Variants in STK32A observed in about 807,000 individuals in gnomAD.
The protein encoded by STK32A is serine/threonine-protein kinase 32A.
In STK32A, 41 loss-of-function variants were observed where a neutral mutation model predicts 53.2. The observed-to-expected ratio is 0.77, with a 90% CI of 0.60 to 1.00. The LOEUF is 1.00. Among genes scored for constraint, STK32A ranks in the 50% least tolerant of loss-of-function variants. The pLI, the probability that STK32A is intolerant of heterozygous loss-of-function variation, is 0.00. For missense variants in STK32A, 458 were observed against 485.8 expected, an observed-to-expected ratio of 0.94 and a Z score of 0.54; for synonymous variants, 166 against 162.8, an observed-to-expected ratio of 1.02 and a Z score of -0.15.
At chr5:147,331,986 C>A (rs544222724) in intron 5 of STK32A, among the ~76,000 whole-genome samples, 2 of 152,310 alleles carry the variant, frequency 1.3e-5, no homozygotes, top group South Asian at 4.1e-4. Context: ...AAATTAATTT[C>A]TGTGTTCTTC....
rs748151953 is a variant in STK32A at position 147,373,207 on chromosome 5, A to G, written c.816A>G (p.Leu272=). The G allele has an allele frequency of 2.5e-6, 4 of 1,613,436 alleles. No individual in the cohort carries two copies. Among genetic ancestry groups the G allele is most frequent in the Non-Finnish European group, 2.5e-6 (3 of 1,179,590 alleles). Residue 272 remains leucine, a synonymous_variant, in exon 10 of 13, where the codon TTA becomes TTG. Transcript: ENST00000397936. ...ATCCAGACCAACGATTTTCTCAGTTATCTGATGTCCAGAACTTCCCGTATA... is the reference window on the plus strand; with the variant it reads ...ATCCAGACCAACGATTTTCTCAGTTGTCTGATGTCCAGAACTTCCCGTATA... The part of the protein sequence containing the change: ...EPNPDQRFSQ[L]SDVQNFPYMN...
At position 147,386,497 on chromosome 5, in the gene STK32A, A is replaced by G. The variant is rs1211496466; in HGVS notation, c.*2514A>G. On this transcript the variant is annotated 3_prime_UTR_variant, in exon 13 of 13. Coordinates refer to ENST00000397936, the MANE Select transcript of STK32A (RefSeq NM_001112724.2). ...CTGTAATTACACTTACCAAAGAGCC[A>G]TGGAACCATTAGGATCTCCACTGTG... 1.3e-5 allele frequency: 2 copies of G among 152,214 alleles called. No homozygotes were observed. The highest frequency in any genetic ancestry group is 2.9e-5 in the Non-Finnish European group (2 of 68,030). 9.4% of individuals were successfully genotyped at this position (152,214 alleles called of 1,614,324 possible). A position where few individuals can be genotyped will look rare whatever the true frequency, so the allele number is the denominator to read the frequency against.
intron 2 of STK32A, among the ~76,000 whole-genome samples, chr5:147,258,291 C>T (rs1754330284): frequency 6.6e-6 from 1 of 151,786 alleles, no homozygotes; most frequent in African/African-American, 2.4e-5. Context: ...CACAGAATTT[C>T]CTTTATAATT....
intron 8 of STK32A, among the ~76,000 whole-genome samples, chr5:147,363,369 G>A (rs1029932353): frequency 1.3e-5 from 2 of 152,052 alleles, no homozygotes; most frequent in East Asian, 1.9e-4. Context: ...GATGGGGAGA[G>A]GGGACTTGCT....
the STK32A span, chr5:147,393,028 G>C: frequency 6.6e-6 from 1 of 152,206 alleles, no homozygotes; most frequent in Non-Finnish European, 1.5e-5. Context: ...GCCTGTAAGA[G>C]AGGCCCTTCA....
At chr5:147,326,450 C>G (rs1754593083) in intron 5 of STK32A, among the ~76,000 whole-genome samples, 1 of 152,134 alleles carries the variant, frequency 6.6e-6, no homozygotes, top group East Asian at 1.9e-4. Flanking sequence ...ATGCACCTCT[C>G]CCCCCACCTC....
chr5:147,350,116 A>G (rs998039407), intron 6 of STK32A, among the ~76,000 whole-genome samples: 5 of 151,770 alleles, frequency 3.3e-5, no homozygotes, highest in East Asian at 2.0e-4. Flanking sequence ...CTTCAAAAAA[A>G]AAAAATTAAA....
chr5:147,246,278 C>A (rs1040891098), intron 2 of STK32A, among the ~76,000 whole-genome samples: 3 of 152,178 alleles, frequency 2.0e-5, no homozygotes, highest in African/African-American at 7.2e-5. Context: ...GGCTTTATTT[C>A]TCCATACAAA....
In STK32A at chr5:147,347,358, G is replaced by A. The variant is rs114360648; in HGVS notation, c.473-3707G>A. 9.1e-3 allele frequency among the ~76,000 whole-genome samples: 1,390 copies of A among 151,916 alleles called. 23 individuals are homozygous for A. The highest frequency in any genetic ancestry group is 0.032 in the African/African-American group (1,307 of 41,454). ...AAGGCAGAAACCCTCTCCTAGAGTG[G>A]TAAATTAGGAAGTTCTGAGGCTTGC... On this transcript the variant is annotated intron_variant, in intron 6 of 12. Coordinates refer to ENST00000397936, the MANE Select transcript of STK32A (RefSeq NM_001112724.2).
chr5:147,383,987 C>T lies in STK32A; in HGVS notation c.*4C>T. 4.4e-6 allele frequency: 7 copies of T among 1,598,198 alleles called. No homozygotes were observed. The highest frequency in any genetic ancestry group is 6.0e-6 in the Non-Finnish European group (7 of 1,175,136). On this transcript the variant is annotated 3_prime_UTR_variant, in exon 13 of 13. Coordinates refer to ENST00000397936, the MANE Select transcript of STK32A (RefSeq NM_001112724.2). ...TGGTCAGAATAACAACTTGTAAAGG[C>T]CTCATGTCTTCTTCTTGGGACAATC...
chr5:147,236,593 G>C (rs1197435265), intron 1 of STK32A, among the ~76,000 whole-genome samples: 4 of 152,122 alleles, frequency 2.6e-5, no homozygotes, highest in Non-Finnish European at 5.9e-5. Flanking sequence ...ATTTTAAACT[G>C]GATTGTGTAT....
rs371782826 is a variant in STK32A, at chr5:147,351,098, C to T, written c.506C>T (p.Ala169Val). The T allele has an allele frequency of 5.6e-5, 91 of 1,613,774 alleles. No homozygotes were observed. Among genetic ancestry groups the T allele is most frequent in the Non-Finnish European group, 7.3e-5 (86 of 1,179,854 alleles). Residue 169 changes from alanine to valine, a missense_variant, in exon 7 of 13, where the codon GCG (alanine) becomes GTG (valine). By Grantham distance (64) the Ala-to-Val change is moderately conservative. Coordinates refer to ENST00000397936, the MANE Select transcript of STK32A (RefSeq NM_001112724.2). ...HVHITDFNIA[A>V]MLPRETQITT... The stretch of plus-strand genomic sequence containing the variant: ...CACATCACAGATTTCAACATTGCTG[C>T]GATGCTGCCCAGGGAGACACAGATT...
intron 6 of STK32A, among the ~76,000 whole-genome samples, chr5:147,350,314 TG>T (rs1755906402): frequency 6.6e-6 from 1 of 151,826 alleles, no homozygotes; most frequent in African/African-American, 2.4e-5. Flanking sequence ...AATAAATATT[TG>T]TATCCATATT....
intron 5 of STK32A, among the ~76,000 whole-genome samples, chr5:147,337,586 T>C (rs1755198781): frequency 1.3e-5 from 2 of 152,180 alleles, no homozygotes; most frequent in African/African-American, 4.8e-5. Context: ...CATTCATTTT[T>C]ATGACAAATA....
At chr5:147,383,065 C>G (rs1012481311) in intron 11 of STK32A, 3 of 233,100 alleles carry the variant, frequency 1.3e-5, no homozygotes, top group Non-Finnish European at 2.5e-5. Context: ...CAGCTCCCTC[C>G]CATGGGGCTG....
chr5:147,248,641 A>G (rs964619825), intron 2 of STK32A, among the ~76,000 whole-genome samples: 3 of 152,200 alleles, frequency 2.0e-5, no homozygotes, highest in East Asian at 1.9e-4. Context: ...AATTGTCAAT[A>G]TATTTCTGAC....
intron 5 of STK32A, among the ~76,000 whole-genome samples, chr5:147,341,150 C>T (rs1396953648): frequency 6.6e-6 from 1 of 152,192 alleles, no homozygotes. Context: ...CTGATCTTGC[C>T]TCTCTCAACT....
rs1353360017 is a variant in STK32A, at chr5:147,366,874, C to G, written c.661-3780C>G. Among the ~76,000 whole-genome samples the G allele has an allele frequency of 1.8e-3, 151 of 85,696 alleles. 1 individual carries two copies. In the Admixed American group the frequency reaches 0.018, roughly 10 times the overall value. The allele number at this position is 85,696 out of a possible 152,430, so 56.2% of individuals were successfully genotyped here. A position where few individuals can be genotyped will look rare whatever the true frequency, so the allele number is the denominator to read the frequency against. ...TAGAAGTATGTTTTACCTTGTTGAGCCTTTTTTTTTTTCATTTCATAAGAT... is the reference window on the plus strand; with the variant it reads ...TAGAAGTATGTTTTACCTTGTTGAGGCTTTTTTTTTTTCATTTCATAAGAT... On this transcript the variant is annotated intron_variant, in intron 8 of 12. Coordinates refer to ENST00000397936, the MANE Select transcript of STK32A (RefSeq NM_001112724.2).
At chr5:147,287,016 G>A (rs1010239658) in intron 4 of STK32A, among the ~76,000 whole-genome samples, 2 of 152,122 alleles carry the variant, frequency 1.3e-5, no homozygotes, top group Admixed American at 1.3e-4. Flanking sequence ...TAAAACTGTT[G>A]CTTTGTAGCG....
Sources: gnomAD v4.1 joint callset for allele counts (sites outside exome capture counted in the v4.1 genomes callset) on GRCh38, gnomAD v4.1.1 for gene constraint, MANE v1.5 for transcripts, NCBI Gene and HGNC (gene_info 2026-07-23, HGNC 2026-07-21) for gene names.